OTUD7B: variants seen among roughly 807,000 people sequenced by gnomAD.
OTUD7B encodes the protein OTU deubiquitinase 7B.
In OTUD7B, 34 loss-of-function variants were observed where a neutral mutation model predicts 82.2. The ratio of observed to expected loss-of-function variants is 0.41; its 90% confidence interval spans 0.31 to 0.55. OTUD7B has a LOEUF of 0.55. OTUD7B is among the 20% of genes least tolerant of loss of function. The pLI is 0.20. For missense variants in OTUD7B, 944 were observed against 1,062.1 expected, an observed-to-expected ratio of 0.89 and a Z score of 1.55; for synonymous variants, 398 against 402.7, an observed-to-expected ratio of 0.99 and a Z score of 0.14.
the OTUD7B span, among the ~76,000 whole-genome samples, chr1:150,016,754 C>T: frequency 1.3e-5 from 2 of 152,118 alleles, no homozygotes; most frequent in African/African-American, 4.8e-5. Flanking sequence ...GCCCAGCCAG[C>T]AGTTACTAAT....
chr1:150,050,783 C>T, the OTUD7B span, among the ~76,000 whole-genome samples: 7 of 152,090 alleles, frequency 4.6e-5, no homozygotes, highest in South Asian at 1.0e-3. Flanking sequence ...GATTCAAGGG[C>T]GCCCTCTGTC....
intron 9 of OTUD7B, among the ~76,000 whole-genome samples, 171 bp from the exon 10 acceptor site, chr1:149,949,254 C>T (rs1648000082): frequency 6.6e-6 from 1 of 152,198 alleles, no homozygotes; most frequent in South Asian, 2.1e-4. Flanking sequence ...CCCGCTACCA[C>T]GCAGCATATG....
intron 1 of OTUD7B, among the ~76,000 whole-genome samples, chr1:149,986,237 T>TCACACACACACACACACA (rs34962941): frequency 2.9e-5 from 4 of 136,544 alleles, no homozygotes; most frequent in Admixed American, 2.9e-4. Context: ...TGGTACCCCA[T>TCACACACACACACACACA]CACACACACA....
At chr1:149,964,874 G>A (rs1422208585) in intron 5 of OTUD7B, among the ~76,000 whole-genome samples, 1 of 149,594 alleles carries the variant, frequency 6.7e-6, no homozygotes, top group Non-Finnish European at 1.5e-5. Context: ...GACTACAGGC[G>A]TGAGCCACCA....
chr1:149,978,926 T>C (rs1650514467), intron 1 of OTUD7B, among the ~76,000 whole-genome samples: 1 of 152,082 alleles, frequency 6.6e-6, no homozygotes. Context: ...CAAAGCATAA[T>C]TGTTGAAGGC....
the OTUD7B span, among the ~76,000 whole-genome samples, chr1:150,019,586 C>T: frequency 3.3e-5 from 5 of 152,202 alleles, no homozygotes; most frequent in African/African-American, 9.6e-5. Context: ...AGGTTGGCCT[C>T]GAACTCCTGA....
At chr1:150,042,929 A>G in the OTUD7B span, among the ~76,000 whole-genome samples, 1 of 152,242 alleles carries the variant, frequency 6.6e-6, no homozygotes, top group South Asian at 2.1e-4. Context: ...AAGAATATCT[A>G]TAATTTCTAG....
the OTUD7B span, among the ~76,000 whole-genome samples, chr1:150,045,252 C>T: frequency 7.4e-4 from 113 of 151,874 alleles, 2 homozygotes; most frequent in African/African-American, 2.5e-3. Context: ...CCACCGTGAC[C>T]GGCTAATTTT....
At chr1:149,957,027 T>C (rs1553774704) in intron 7 of OTUD7B, among the ~76,000 whole-genome samples, 1 of 152,240 alleles carries the variant, frequency 6.6e-6, no homozygotes, top group Non-Finnish European at 1.5e-5. Flanking sequence ...TCTGAAGCCT[T>C]CTTCTCTCAA....
At chr1:149,962,941 G>A (rs1182591978) in intron 6 of OTUD7B, 1 of 152,206 alleles carries the variant, frequency 6.6e-6, no homozygotes, top group African/African-American at 2.4e-5. Context: ...AGAATGTCAA[G>A]TACTTATGTG....
At position 149,941,085 on chromosome 1, in the gene OTUD7B, A is replaced by G. The variant is rs1647229008; in HGVS notation, c.*2772T>C. The G allele has an allele frequency of 6.6e-6, 1 of 152,140 alleles. No homozygotes were observed. The highest frequency in any genetic ancestry group is 1.5e-5 in the Non-Finnish European group (1 of 68,036). 9.4% of individuals were successfully genotyped at this position (152,140 alleles called of 1,614,324 possible). On this transcript the variant is annotated 3_prime_UTR_variant, in exon 12 of 12. Coordinates refer to ENST00000581312, the MANE Select transcript of OTUD7B (RefSeq NM_020205.4). The stretch of plus-strand genomic sequence containing the variant: ...CCCATTTTACCATATTCACCCCTAG[A>G]CCACCCCTCAAAATTTCCATCTTTT...
In OTUD7B at chr1:149,943,623, C is replaced by A; in HGVS notation, c.*234G>T. ...CCATCTTTTCCCCTTGTACCTCAAA[C>A]CTCATCAAGTCAAGCTCTGCAGAGG... On this transcript the variant is annotated 3_prime_UTR_variant, in exon 12 of 12. Coordinates refer to ENST00000581312, the MANE Select transcript of OTUD7B (RefSeq NM_020205.4). 1 of 534,038 alleles carries A rather than the reference C, an allele frequency of 1.9e-6. No individual in the cohort carries two copies. The allele number at this position is 534,038 out of a possible 1,614,324, so 33.1% of individuals were successfully genotyped here.
chr1:150,054,986 C>T, the OTUD7B span: 1 of 315,706 alleles, frequency 3.2e-6, no homozygotes, highest in East Asian at 9.1e-5. Context: ...TACCTCTGAT[C>T]TGTGTTTGCC....
At position 149,943,869 on chromosome 1, in the gene OTUD7B, C is replaced by T. The variant is rs782365014; in HGVS notation, c.2520G>A (p.Val840=). Reference sequence around the variant, plus strand: ...GTGTTCCACCCGTTCAGAACCTGTGCACCAGGAGCTCCCCATCCGGTTCCC... The same window carrying T: ...GTGTTCCACCCGTTCAGAACCTGTGTACCAGGAGCTCCCCATCCGGTTCCC... ...REREPDGELL[V]HRF is the part of the protein sequence containing the mutation. Residue 840 remains valine (V), a synonymous_variant, in exon 12 of 12, where the codon GTG becomes GTA. Transcript: ENST00000581312. 1 of 1,614,084 alleles carries T rather than the reference C, an allele frequency of 6.2e-7. No homozygotes were observed. Among genetic ancestry groups the T allele is most frequent in the East Asian group, 2.2e-5 (1 of 44,888 alleles).
At chr1:150,003,229 G>A (rs1187013628) in intron 1 of OTUD7B, among the ~76,000 whole-genome samples, 1 of 137,830 alleles carries the variant, frequency 7.3e-6, no homozygotes, top group East Asian at 2.1e-4. Flanking sequence ...CAGCCTGGGT[G>A]ACAGAGCAAG....
At chr1:149,992,116 T>G (rs587730266) in intron 1 of OTUD7B, among the ~76,000 whole-genome samples, 4 of 152,122 alleles carry the variant, frequency 2.6e-5, no homozygotes, top group African/African-American at 9.6e-5. Flanking sequence ...TCCCAGCTAC[T>G]CAGGAGGCTG....
chr1:150,040,029 A>G, the OTUD7B span, among the ~76,000 whole-genome samples: 1 of 152,246 alleles, frequency 6.6e-6, no homozygotes, highest in Non-Finnish European at 1.5e-5. Context: ...GAATAGCAGC[A>G]GTTATAGCAG....
chr1:149,943,900 C>A lies in OTUD7B; in HGVS notation c.2489G>T (p.Arg830Met), dbSNP rs1204316852. ...GAGCTCCCCATCCGGTTCCCGCTCC[C>A]TCCTCCTCAGTTCTTCCCTGTAACA... is the stretch of plus-strand genomic sequence containing the variant. ...SCCYREELRR[R>M]EREPDGELLV... Residue 830 changes from arginine to methionine, a missense_variant, in exon 12 of 12, where the codon AGG (arginine) becomes ATG (methionine). By Grantham distance (91) the Arg-to-Met change is moderately conservative. This residue lies in a region of OTUD7B where 412 missense variants were observed against 418.7 expected (regional missense o/e 0.98). Coordinates refer to ENST00000581312, the MANE Select transcript of OTUD7B (RefSeq NM_020205.4). 3.1e-6 allele frequency: 5 copies of A among 1,614,152 alleles called. No individual in the cohort carries two copies. The African/African-American group carries it at 6.7e-5, about 22-fold the overall frequency.
At position 149,977,541 on chromosome 1, in the gene OTUD7B, T is replaced by G; in HGVS notation, c.-31A>C. 1 of 1,543,844 alleles carries G rather than the reference T, an allele frequency of 6.5e-7. No individual in the cohort carries two copies. The highest frequency in any genetic ancestry group is 9.0e-7 in the Non-Finnish European group (1 of 1,116,084). ...CCTCAAGTACTTTCAGCCAGCTGGA[T>G]GTAGGTAGAACATAGATCAAAATTC... On this transcript the variant is annotated 5_prime_UTR_variant, in exon 2 of 12. Coordinates refer to ENST00000581312, the MANE Select transcript of OTUD7B (RefSeq NM_020205.4).
Sources: gnomAD v4.1 joint callset for allele counts (sites outside exome capture counted in the v4.1 genomes callset) on GRCh38, gnomAD v4.1.1 for gene constraint, gnomAD v4.1.1 regional missense constraint, MANE v1.5 for transcripts, NCBI Gene and HGNC (gene_info 2026-07-23, HGNC 2026-07-21) for gene names.